Variants in RGS17 observed in about 807,000 individuals in gnomAD.
RGS17 encodes regulator of G-protein signaling 17.
RGS17 carries 12 observed loss-of-function variants against 25.5 expected under a neutral mutation model. The observed-to-expected ratio is 0.47, with a 90% CI of 0.30 to 0.76. RGS17 has a LOEUF of 0.76. Ranked by LOEUF, RGS17 falls within the 30% of genes least tolerant of loss-of-function variation. The pLI is 0.07. For missense variants in RGS17, 196 were observed against 242.2 expected (o/e 0.81, Z 1.27); for synonymous variants, 71 against 76.9 (o/e 0.92, Z 0.40).
At position 153,011,349 on chromosome 6, in the gene RGS17, G is replaced by A; in HGVS notation, c.*225C>T. 3 of 514,898 alleles carry A rather than the reference G, an allele frequency of 5.8e-6. No homozygotes were observed. Among genetic ancestry groups the A allele is most frequent in the Non-Finnish European group, 1.0e-5 (3 of 291,662 alleles). 31.9% of individuals were successfully genotyped at this position (514,898 alleles called of 1,614,324 possible). On this transcript the variant is annotated 3_prime_UTR_variant, in exon 5 of 5. Coordinates refer to ENST00000206262, the MANE Select transcript of RGS17 (RefSeq NM_012419.5). ...TTTGCTTGCAAGTAGAATGAGTCTTGAATAAAACAAACAATTTGGCAATTC... is the reference window on the plus strand; with the variant it reads ...TTTGCTTGCAAGTAGAATGAGTCTTAAATAAAACAAACAATTTGGCAATTC...
At chr6:153,077,905 G>A (rs1326190354) in intron 1 of RGS17, among the ~76,000 whole-genome samples, 5 of 149,764 alleles carry the variant, frequency 3.3e-5, no homozygotes, top group Admixed American at 1.3e-4. Context: ...ACAGAGACTC[G>A]CTCCATCACC....
Position 153,011,170 on chromosome 6 carries a change from T to G in RGS17, c.*404A>C. 6.3e-6 allele frequency: 1 copy of G among 158,540 alleles called. No homozygotes were observed. Among genetic ancestry groups the G allele is most frequent in the Middle Eastern group, 3.2e-3 (1 of 314 alleles). The allele number at this position is 158,540 out of a possible 1,614,324, so 9.8% of individuals were successfully genotyped here. ...GCCGATTTTTTTGGCAATTATTTCT[T>G]AAGACCATATTGCACAAAAGTCCTT... is the stretch of plus-strand genomic sequence containing the variant. On this transcript the variant is annotated 3_prime_UTR_variant, in exon 5 of 5. Transcript: ENST00000206262.
intron 1 of RGS17, among the ~76,000 whole-genome samples, chr6:153,084,092 A>T (rs1244359333): frequency 6.6e-6 from 1 of 152,190 alleles, no homozygotes; most frequent in Non-Finnish European, 1.5e-5. Flanking sequence ...AGGAGGAGAC[A>T]GCCACAATGG....
intron 1 of RGS17, among the ~76,000 whole-genome samples, chr6:153,054,763 C>T (rs997914382): frequency 6.6e-6 from 1 of 152,014 alleles, no homozygotes; most frequent in Non-Finnish European, 1.5e-5. Context: ...TAGGCAAACG[C>T]TTTATTTGCG....
rs541357065 is a variant in RGS17 at position 153,077,804 on chromosome 6, G to A, written c.-25-33761C>T. ...ATGGCTTATGCTTTTTGTCTTCCAA[G>A]ACATACTGACCATATATCTGTGAGT... On this transcript the variant is annotated intron_variant, in intron 1 of 4. Coordinates refer to ENST00000206262, the MANE Select transcript of RGS17 (RefSeq NM_012419.5). Among the ~76,000 whole-genome samples, 3 of 152,092 alleles carry A rather than the reference G, an allele frequency of 2.0e-5. No individual in the cohort carries two copies. The South Asian group carries it at 6.2e-4, about 32-fold the overall frequency.
intron 1 of RGS17, among the ~76,000 whole-genome samples, chr6:153,116,025 T>C (rs538328351): frequency 6.6e-6 from 1 of 152,288 alleles, no homozygotes; most frequent in South Asian, 2.1e-4. Flanking sequence ...AAAAACTTCA[T>C]GAGTAAAACA....
intron 1 of RGS17, among the ~76,000 whole-genome samples, chr6:153,070,294 T>C (rs1462646039): frequency 6.6e-6 from 1 of 152,106 alleles, no homozygotes; most frequent in Non-Finnish European, 1.5e-5. Flanking sequence ...GCACTGGTAA[T>C]GAAAGCAGCC....
intron 1 of RGS17, among the ~76,000 whole-genome samples, chr6:153,087,947 C>A (rs544002596): frequency 6.6e-6 from 1 of 152,270 alleles, no homozygotes. Context: ...CTCTAAGGAA[C>A]AGAATAAGAC....
chr6:153,070,218 G>GT lies in RGS17; in HGVS notation c.-25-26176dup, dbSNP rs201777717. ...GAAATAATAAGTAAAATGACAAGTT[G>GT]TTTTCTTTTTTGGTGGGGGTGTGGG... is the stretch of plus-strand genomic sequence containing the variant. On this transcript the variant is annotated intron_variant, in intron 1 of 4. Transcript: ENST00000206262. 1.8e-3 allele frequency among the ~76,000 whole-genome samples: 266 copies of GT among 150,644 alleles called. 5 individuals carry two copies. The East Asian group carries it at 0.021, about 12-fold the overall frequency.
At chr6:153,064,091 C>T (rs1381444840) in intron 1 of RGS17, among the ~76,000 whole-genome samples, 1 of 152,080 alleles carries the variant, frequency 6.6e-6, no homozygotes, top group East Asian at 1.9e-4. Flanking sequence ...ACAAGAAATG[C>T]TAACAGAGTA....
chr6:153,113,915 G>A (rs1777509388), intron 1 of RGS17, among the ~76,000 whole-genome samples: 1 of 152,196 alleles, frequency 6.6e-6, no homozygotes, highest in Admixed American at 6.5e-5. Context: ...GAATCTCTGA[G>A]ACACAGGTAA....
intron 2 of RGS17, among the ~76,000 whole-genome samples, chr6:153,043,359 T>C (rs1776345708): frequency 6.6e-6 from 1 of 152,200 alleles, no homozygotes; most frequent in South Asian, 2.1e-4. Context: ...AGATAGGTAG[T>C]TGTGAGTCAA....
intron 4 of RGS17, among the ~76,000 whole-genome samples, chr6:153,015,506 A>T (rs1317480235): frequency 6.6e-6 from 1 of 152,162 alleles, no homozygotes; most frequent in Non-Finnish European, 1.5e-5. Flanking sequence ...CCACCAGCAA[A>T]AAGATTATGA....
At chr6:153,051,820 C>T (rs1776465032) in intron 1 of RGS17, among the ~76,000 whole-genome samples, 1 of 152,118 alleles carries the variant, frequency 6.6e-6, no homozygotes, top group African/African-American at 2.4e-5. Flanking sequence ...AAAGAGAACA[C>T]TAAGAGTATT....
chr6:153,064,716 GT>G lies in RGS17; in HGVS notation c.-25-20674del, dbSNP rs375208226. 5.0e-4 allele frequency among the ~76,000 whole-genome samples: 76 copies of G among 151,584 alleles called. 1 individual carries two copies. The East Asian group carries it at 0.013, about 27-fold the overall frequency. On this transcript the variant is annotated intron_variant, in intron 1 of 4. Transcript: ENST00000206262. ...TTCTTTATTTGTTTATGCAAACAGTGTTAAGTTGTTATCAGTTTAAAATTAA... is the reference window on the plus strand; with the variant it reads ...TTCTTTATTTGTTTATGCAAACAGTGTAAGTTGTTATCAGTTTAAAATTAA...
chr6:153,114,004 C>T (rs1777510696), intron 1 of RGS17, among the ~76,000 whole-genome samples: 1 of 152,102 alleles, frequency 6.6e-6, no homozygotes, highest in South Asian at 2.1e-4. Flanking sequence ...AAAACCCTAA[C>T]ATCATAATCA....
intron 1 of RGS17, among the ~76,000 whole-genome samples, chr6:153,104,374 C>T (rs1180544859): frequency 6.6e-6 from 1 of 152,124 alleles, no homozygotes; most frequent in Non-Finnish European, 1.5e-5. Flanking sequence ...GAATGACTCA[C>T]TCAAGGTCAT....
chr6:153,063,567 A>C (rs540911574), intron 1 of RGS17, among the ~76,000 whole-genome samples: 40 of 152,294 alleles, frequency 2.6e-4, no homozygotes, highest in African/African-American at 9.4e-4. Flanking sequence ...ATAAAAAACA[A>C]TGAAGCATGC....
At chr6:153,025,516 A>C (rs2129107067) in intron 3 of RGS17, among the ~76,000 whole-genome samples, 1 of 151,750 alleles carries the variant, frequency 6.6e-6, no homozygotes, top group Non-Finnish European at 1.5e-5. Flanking sequence ...AAGAAGTAGA[A>C]GACAGAAACT....
Sources: gnomAD v4.1 joint callset for allele counts (sites outside exome capture counted in the v4.1 genomes callset) on GRCh38, gnomAD v4.1.1 for gene constraint, MANE v1.5 for transcripts, NCBI Gene and HGNC (gene_info 2026-07-23, HGNC 2026-07-21) for gene names.